Variants in GLYR1 observed in about 807,000 individuals in gnomAD.
GLYR1 encodes the protein cytokine-like nuclear factor N-PAC.
A neutral mutation model predicts 72.7 loss-of-function variants in GLYR1; 21 were observed. The observed-to-expected ratio is 0.29, with a 90% confidence interval of 0.20 to 0.42. The LOEUF is 0.42. Among genes scored for constraint, GLYR1 ranks in the 10% least tolerant of loss-of-function variants. The probability of loss-of-function intolerance (pLI) is 1.00; values close to 1 mark genes in which losing one functional copy is unlikely to be tolerated. For synonymous variants in GLYR1, 392 were observed against 270.2 expected, an observed-to-expected ratio of 1.45 and a Z score of -4.42; for missense variants, 594 against 712.1, an observed-to-expected ratio of 0.83 and a Z score of 1.89.
chr16:4,844,596 C>T (rs941268423), intron 3 of GLYR1, among the ~76,000 whole-genome samples: 61 of 152,028 alleles, frequency 4.0e-4, no homozygotes, highest in African/African-American at 1.4e-3. Flanking sequence ...CATGGTAAAA[C>T]CCCCTCTACA....
Position 4,811,913 on chromosome 16 carries a change from A to G in GLYR1, c.1283-111T>C, listed in dbSNP as rs528959001. 229 of 1,424,270 alleles carry G rather than the reference A, an allele frequency of 1.6e-4. No individual in the cohort carries two copies. In the African/African-American group the frequency reaches 3.0e-3, roughly 18 times the overall value. The allele number at this position is 1,424,270 out of a possible 1,614,324, so 88.2% of individuals were successfully genotyped here. On this transcript the variant is annotated intron_variant, in intron 13 of 15. Coordinates refer to ENST00000321919, the MANE Select transcript of GLYR1 (RefSeq NM_032569.4). ...CCTCTCTCCAGGGGAGGCCCCCTTC[A>G]CCTGCCCCCGACAGACTGGCTCTTC...
intron 5 of GLYR1, among the ~76,000 whole-genome samples, chr16:4,830,807 C>T (rs976476555): frequency 2.0e-5 from 3 of 152,228 alleles, no homozygotes; most frequent in Admixed American, 1.3e-4. Context: ...TCTCATCTTG[C>T]TAGCTCCTCC....
intron 4 of GLYR1, 63 bp from the exon 5 acceptor site, chr16:4,832,284 A>G: frequency 1.3e-6 from 2 of 1,590,926 alleles, no homozygotes; most frequent in South Asian, 1.1e-5. Context: ...CGCCACCATC[A>G]TTTACAGGTG....
At position 4,812,291 on chromosome 16, in the gene GLYR1, A is replaced by C. The variant is rs754901647; in HGVS notation, c.1120-43T>G. ...AGCTTCTGGAGGCCTCCCCTCTCCC[A>C]GCGCTCTCTGGGCAGGACTCAAGGA... On this transcript the variant is annotated intron_variant, in intron 12 of 15. Transcript: ENST00000321919. The C allele has an allele frequency of 3.4e-5, 54 of 1,588,362 alleles. No individual in the cohort carries two copies. In the Admixed American group the frequency reaches 8.0e-4, roughly 23 times the overall value.
At chr16:4,805,695 G>C (rs1487264413) in intron 15 of GLYR1, among the ~76,000 whole-genome samples, 2 of 152,084 alleles carry the variant, frequency 1.3e-5, no homozygotes, top group East Asian at 1.9e-4. Flanking sequence ...ACAAAAATTA[G>C]GGCCAGGCGC....
In GLYR1 at chr16:4,804,933, CTGTGTGTG is replaced by C. The variant is rs143624351; in HGVS notation, c.*295_*302del. The C allele has an allele frequency of 5.8e-3, 1,718 of 297,462 alleles. 4 individuals carry two copies. The highest frequency in any genetic ancestry group is 8.2e-3 in the Non-Finnish European group (1,265 of 153,712). The allele number at this position is 297,462 out of a possible 1,614,324, so 18.4% of individuals were successfully genotyped here. ...GCAGCTTCTATCCTGGGGCGAGAGC[CTGTGTGTG>C]TGTGTGTGTGTGTGTGTGTGTGTGT... is the stretch of plus-strand genomic sequence containing the variant. On this transcript the variant is annotated 3_prime_UTR_variant, in exon 16 of 16. Transcript: ENST00000321919.
chr16:4,817,712 G>A lies in GLYR1; in HGVS notation c.807-15C>T, dbSNP rs2083738744. ...AAAATCCTATCCTGAAACAGAGAGA[G>A]ACTGATGAGTTCAGGGTGGAAAGGG... On this transcript the variant is annotated splice_polypyrimidine_tract_variant and intron_variant, in intron 9 of 15. Transcript: ENST00000321919. The A allele has an allele frequency of 1.3e-6, 2 of 1,500,556 alleles. No individual in the cohort carries two copies. Among genetic ancestry groups the A allele is most frequent in the South Asian group, 1.1e-5 (1 of 88,780 alleles). The allele number at this position is 1,500,556 out of a possible 1,614,324, so 93.0% of individuals were successfully genotyped here.
chr16:4,807,753 T>A (rs549341732), intron 15 of GLYR1, among the ~76,000 whole-genome samples: 11 of 152,268 alleles, frequency 7.2e-5, no homozygotes, highest in Admixed American at 2.0e-4. Context: ...CATGAAACCC[T>A]TGGGAAATAA....
chr16:4,821,305 A>AC lies in GLYR1; in HGVS notation c.806+74dup. 20 of 1,475,888 alleles carry AC rather than the reference A, an allele frequency of 1.4e-5. 1 individual carries two copies. The highest frequency in any genetic ancestry group is 7.9e-5 in the South Asian group (7 of 88,112). 91.4% of individuals were successfully genotyped at this position (1,475,888 alleles called of 1,614,324 possible). On this transcript the variant is annotated intron_variant, in intron 9 of 15. Coordinates refer to ENST00000321919, the MANE Select transcript of GLYR1 (RefSeq NM_032569.4). Reference sequence around the variant, plus strand: ...ATGGCTGGGACACAACCCTTAAAGAACCCCCCTGGGGTCACCTTCTCCCCA... The same window carrying AC: ...ATGGCTGGGACACAACCCTTAAAGAACCCCCCCTGGGGTCACCTTCTCCCCA...
chr16:4,804,992 G>C lies in GLYR1; in HGVS notation c.*244C>G, dbSNP rs1450743981. Reference sequence around the variant, plus strand: ...GTGTGAACACACAGCCACCTCGTCCGGGGGGCCAGTGCCCAGCTCAAGAGC... The same window carrying C: ...GTGTGAACACACAGCCACCTCGTCCCGGGGGCCAGTGCCCAGCTCAAGAGC... On this transcript the variant is annotated 3_prime_UTR_variant, in exon 16 of 16. Transcript: ENST00000321919. 3 of 548,554 alleles carry C rather than the reference G, an allele frequency of 5.5e-6. No homozygotes were observed. The highest frequency in any genetic ancestry group is 3.1e-5 in the Admixed American group (1 of 32,524). 34.0% of individuals were successfully genotyped at this position (548,554 alleles called of 1,614,324 possible). A position where few individuals can be genotyped will look rare whatever the true frequency, so the allele number is the denominator to read the frequency against.
intron 7 of GLYR1, among the ~76,000 whole-genome samples, chr16:4,822,485 G>A (rs1027776279): frequency 6.6e-6 from 1 of 151,268 alleles, no homozygotes; most frequent in Non-Finnish European, 1.5e-5. Flanking sequence ...CTGCCTCCCG[G>A]GTTCAAGCAA....
At position 4,804,480 on chromosome 16, in the gene GLYR1, G is replaced by C. The variant is rs2082858237; in HGVS notation, c.*756C>G. 1.3e-5 allele frequency: 2 copies of C among 152,986 alleles called. No homozygotes were observed. The highest frequency in any genetic ancestry group is 2.9e-5 in the Non-Finnish European group (2 of 68,314). The allele number at this position is 152,986 out of a possible 1,614,324, so 9.5% of individuals were successfully genotyped here. On this transcript the variant is annotated 3_prime_UTR_variant, in exon 16 of 16. Transcript: ENST00000321919. ...CGCCCGCTGTGGCAGTGGCATCTGG[G>C]GCATGGCTTCGAGGCGGTGAGGGCC...
At chr16:4,828,898 AG>A (rs1318184002) in intron 5 of GLYR1, among the ~76,000 whole-genome samples, 1 of 152,078 alleles carries the variant, frequency 6.6e-6, no homozygotes, top group Non-Finnish European at 1.5e-5. Flanking sequence ...ATTTCTTTCC[AG>A]GGTGGCACAG....
intron 5 of GLYR1, among the ~76,000 whole-genome samples, chr16:4,824,881 C>T (rs1417752295): frequency 6.6e-6 from 1 of 152,132 alleles, no homozygotes; most frequent in Non-Finnish European, 1.5e-5. Flanking sequence ...CCTGCCTAAA[C>T]TACTCCTGAG....
At position 4,837,938 on chromosome 16, in the gene GLYR1, A is replaced by C. The variant is rs1044368255; in HGVS notation, c.156-5026T>G. 1.8e-4 allele frequency among the ~76,000 whole-genome samples: 20 copies of C among 113,316 alleles called. No individual in the cohort carries two copies. In the South Asian group the frequency reaches 2.1e-3, roughly 12 times the overall value. The allele number at this position is 113,316 out of a possible 152,430, so 74.3% of individuals were successfully genotyped here. A position where few individuals can be genotyped will look rare whatever the true frequency, so the allele number is the denominator to read the frequency against. Reference sequence around the variant, plus strand: ...GAGCGAGACTCCATCTCAAAAAATAAATAAATAAATAAATAAATAAATAAA... The same window carrying C: ...GAGCGAGACTCCATCTCAAAAAATACATAAATAAATAAATAAATAAATAAA... On this transcript the variant is annotated intron_variant, in intron 3 of 15. Transcript: ENST00000321919.
Position 4,804,923 on chromosome 16 carries a change from G to C in GLYR1, c.*313C>G. ...CAGTTTCTGGGCAGCTTCTATCCTG[G>C]GGCGAGAGCCTGTGTGTGTGTGTGT... On this transcript the variant is annotated 3_prime_UTR_variant, in exon 16 of 16. Coordinates refer to ENST00000321919, the MANE Select transcript of GLYR1 (RefSeq NM_032569.4). The C allele has an allele frequency of 7.8e-6, 3 of 386,546 alleles. No homozygotes were observed. Among genetic ancestry groups the C allele is most frequent in the East Asian group, 3.9e-5 (1 of 25,958 alleles). 23.9% of individuals were successfully genotyped at this position (386,546 alleles called of 1,614,324 possible).
intron 3 of GLYR1, among the ~76,000 whole-genome samples, chr16:4,841,457 C>CAAAAAAAAAAAAA (rs1160441336): frequency 2.2e-4 from 7 of 31,946 alleles, no homozygotes; most frequent in East Asian, 1.3e-3. Context: ...CTTGTCTCTA[C>CAAAAAAAAAAAAA]AAAAAAAAAA....
rs752360287 is a variant in GLYR1, at chr16:4,832,005, G to A, written c.511C>T (p.Arg171Trp). The change falls in exon 5 of 16, where the codon CGG (arginine) becomes TGG (tryptophan). Residue 171 changes from arginine (R) to tryptophan (W), a missense_variant. Physicochemically the swap from Arg to Trp is moderately radical, Grantham distance 101 (BLOSUM62 -3). Around this residue, in one of 5 missense-constraint regions of GLYR1, gnomAD observed 252 missense variants for 211.3 expected, o/e 1.19. Transcript: ENST00000321919. ...KRAQEQSPRK[R>W]GRPPKDEKDL... Reference sequence around the variant, plus strand: ...TTCTCATCCTTTGGGGGCCGACCCCGCTTCCGGGGACTTTGCTCTTGGGCT... The same window carrying A: ...TTCTCATCCTTTGGGGGCCGACCCCACTTCCGGGGACTTTGCTCTTGGGCT... 1 of 1,613,846 alleles carries A rather than the reference G, an allele frequency of 6.2e-7. No homozygotes were observed.
chr16:4,843,435 C>A, intron 3 of GLYR1: 1 of 1,208,478 alleles, frequency 8.3e-7, no homozygotes, highest in Non-Finnish European at 1.1e-6. Context: ...GATTGCAGGC[C>A]TGAGGCACCA....
Sources: gnomAD v4.1 joint callset for allele counts (sites outside exome capture counted in the v4.1 genomes callset) on GRCh38, gnomAD v4.1.1 for gene constraint, gnomAD v4.1.1 regional missense constraint, MANE v1.5 for transcripts, NCBI Gene and HGNC (gene_info 2026-07-23, HGNC 2026-07-21) for gene names.